FAAH2: variants seen among roughly 807,000 people sequenced by gnomAD.
FAAH2 encodes fatty acid amide hydrolase 2.
In FAAH2, 60 loss-of-function variants were observed where a neutral mutation model predicts 36.9. The observed-to-expected ratio is 1.63, with a 90% confidence interval of 1.32 to 2.02. The LOEUF is 2.02. Among genes scored for constraint, FAAH2 ranks in the 30% most tolerant of loss-of-function variants. The pLI is 0.00. For missense variants in FAAH2, 689 were observed against 397.5 expected (o/e 1.73, Z -6.23); for synonymous variants, 214 against 143.8 (o/e 1.49, Z -3.49).
intron 10 of FAAH2, among the ~76,000 whole-genome samples, chrX:57,463,332 AAAG>A (rs2056993852): frequency 9.0e-6 from 1 of 111,494 alleles, no homozygotes; most frequent in East Asian, 2.8e-4. Flanking sequence ...TGAAACAAAA[AAAG>A]AGCCCATATA....
chrX:57,132,676 C>T, the FAAH2 span, among the ~76,000 whole-genome samples: 1 of 112,492 alleles, frequency 8.9e-6, no homozygotes, highest in Admixed American at 9.4e-5. Context: ...AATTATTCTC[C>T]CTTTATTCAT....
intron 5 of FAAH2, among the ~76,000 whole-genome samples, chrX:57,344,335 G>A (rs890843823): frequency 9.1e-6 from 1 of 110,412 alleles, no homozygotes; most frequent in African/African-American, 3.3e-5. Context: ...TTGGTTAGTG[G>A]TATTTCTAGA....
At chrX:57,142,056 A>G in the FAAH2 span, among the ~76,000 whole-genome samples, 4 of 111,794 alleles carry the variant, frequency 3.6e-5, no homozygotes, top group Non-Finnish European at 7.5e-5. Context: ...TCAAAAAGCC[A>G]GCTTTTTGTT....
At chrX:57,437,267 A>C (rs762037831) in intron 8 of FAAH2, among the ~76,000 whole-genome samples, 9 of 111,250 alleles carry the variant, frequency 8.1e-5, no homozygotes, top group Admixed American at 2.9e-4. Flanking sequence ...CCCAAATCTA[A>C]TATCACACTG....
At chrX:57,247,511 ACC>A in the FAAH2 span, among the ~76,000 whole-genome samples, 1 of 110,587 alleles carries the variant, frequency 9.0e-6, no homozygotes, top group East Asian at 2.9e-4. Flanking sequence ...TCTTAACAGC[ACC>A]AGAGCAGGCC....
At chrX:57,240,497 T>A in the FAAH2 span, among the ~76,000 whole-genome samples, 1 of 111,695 alleles carries the variant, frequency 9.0e-6, no homozygotes, top group African/African-American at 3.2e-5. Flanking sequence ...GTTCCATGCA[T>A]GCATGCATGC....
chrX:57,195,780 A>G, the FAAH2 span, among the ~76,000 whole-genome samples: 1 of 112,237 alleles, frequency 8.9e-6, no homozygotes, highest in Non-Finnish European at 1.9e-5. Context: ...GACATTTTAT[A>G]AAATCAGAAA....
chrX:57,400,806 A>T (rs1287011616), intron 7 of FAAH2, among the ~76,000 whole-genome samples: 1 of 112,424 alleles, frequency 8.9e-6, no homozygotes, highest in East Asian at 2.8e-4. Context: ...CCTTGTAGCC[A>T]CAGGTGGCAA....
the FAAH2 span, among the ~76,000 whole-genome samples, chrX:57,252,322 C>A: frequency 5.3e-5 from 6 of 112,695 alleles, no homozygotes; most frequent in Non-Finnish European, 1.1e-4. Context: ...CATATCTGAA[C>A]AAAAGGCAGG....
the FAAH2 span, among the ~76,000 whole-genome samples, chrX:57,149,974 G>T: frequency 9.0e-6 from 1 of 111,268 alleles, no homozygotes; most frequent in African/African-American, 3.3e-5. Context: ...TGTTCTCATT[G>T]GTTTCAAAGA....
chrX:57,316,984 A>C (rs1320506671), intron 3 of FAAH2, among the ~76,000 whole-genome samples: 4 of 111,901 alleles, frequency 3.6e-5, no homozygotes, highest in African/African-American at 1.3e-4. Context: ...TTCATAAACT[A>C]TGCATGCAAT....
intron 5 of FAAH2, among the ~76,000 whole-genome samples, chrX:57,349,184 T>C (rs1039093107): frequency 8.5e-5 from 8 of 93,700 alleles, no homozygotes; most frequent in African/African-American, 2.7e-4. Flanking sequence ...TATGTATACA[T>C]ATATGTATAT....
intron 8 of FAAH2, among the ~76,000 whole-genome samples, chrX:57,433,507 G>T (rs898926568): frequency 8.9e-5 from 10 of 111,803 alleles, no homozygotes; most frequent in African/African-American, 3.2e-5. Context: ...CATAATAGTT[G>T]TATGTATTTA....
At chrX:57,231,414 G>A in the FAAH2 span, among the ~76,000 whole-genome samples, 1 of 111,157 alleles carries the variant, frequency 9.0e-6, no homozygotes, top group African/African-American at 3.3e-5. Flanking sequence ...CTCAACACTA[G>A]ATTCCTTTTC....
chrX:57,239,002 T>C, the FAAH2 span, among the ~76,000 whole-genome samples: 1 of 112,261 alleles, frequency 8.9e-6, no homozygotes, highest in Non-Finnish European at 1.9e-5. Flanking sequence ...ACCATGGTGA[T>C]GGGATTATTT....
chrX:57,226,973 TA>T, the FAAH2 span, among the ~76,000 whole-genome samples: 1 of 111,959 alleles, frequency 8.9e-6, no homozygotes, highest in Non-Finnish European at 1.9e-5. Flanking sequence ...CACACATTTC[TA>T]AAAGTGTGTC....
At chrX:57,335,653 C>A (rs994040904) in intron 4 of FAAH2, among the ~76,000 whole-genome samples, 1 of 111,853 alleles carries the variant, frequency 8.9e-6, no homozygotes, top group African/African-American at 3.3e-5. Flanking sequence ...ATCTCAACTG[C>A]AAAGAGGCGT....
At chrX:57,241,943 G>T in the FAAH2 span, among the ~76,000 whole-genome samples, 4 of 111,277 alleles carry the variant, frequency 3.6e-5, no homozygotes, top group Non-Finnish European at 7.5e-5. Flanking sequence ...GCCCCAGTCA[G>T]AGGCTTATAG....
At chrX:57,394,396 T>C in intron 7 of FAAH2, 1 of 1,196,566 alleles carries the variant, frequency 8.4e-7, no homozygotes, top group Non-Finnish European at 1.1e-6. Flanking sequence ...TGGCCTTTGT[T>C]TCACCATATA....
Sources: allele counts gnomAD v4.1 joint callset (sites outside exome capture counted in the v4.1 genomes callset), GRCh38; gene constraint gnomAD v4.1.1; transcripts MANE v1.5; gene names NCBI Gene and HGNC (gene_info 2026-07-23, HGNC 2026-07-21).